The following SERPINE3 variants were observed in gnomAD, a reference collection of about 807,000 sequenced individuals.
SERPINE3 encodes the protein serpin E3.
A neutral mutation model predicts 41.7 loss-of-function variants in SERPINE3; 43 were observed. That is an observed-to-expected ratio of 1.03 (90% CI 0.81 to 1.33). The LOEUF is 1.33. Ranked by LOEUF, SERPINE3 falls within the 40% of genes most tolerant of loss-of-function variation. The pLI, the probability that SERPINE3 is intolerant of heterozygous loss-of-function variation, is 0.00. For missense variants in SERPINE3, 440 were observed against 491.7 expected (o/e 0.89, Z 0.99); for synonymous variants, 200 against 192.2 (o/e 1.04, Z -0.34).
chr13:51,358,008 C>G (rs1955506906), intron 7 of SERPINE3, among the ~76,000 whole-genome samples: 1 of 152,086 alleles, frequency 6.6e-6, no homozygotes, highest in Non-Finnish European at 1.5e-5. Context: ...TTATGCCACA[C>G]CAGATGTCTG....
At position 51,364,506 on chromosome 13, in the gene SERPINE3, C is replaced by G. The variant is rs978386477; in HGVS notation, c.*224C>G. 6.8e-6 allele frequency: 3 copies of G among 439,728 alleles called. No individual in the cohort carries two copies. The highest frequency in any genetic ancestry group is 1.2e-5 in the Non-Finnish European group (3 of 248,600). The allele number at this position is 439,728 out of a possible 1,614,324, so 27.2% of individuals were successfully genotyped here. ...TGACCTTCTTTTCTACTGCTTACCC[C>G]CCAAACCACTAAAAGGCACAGCAGT... On this transcript the variant is annotated 3_prime_UTR_variant, in exon 10 of 10. Coordinates refer to ENST00000681248, the MANE Select transcript of SERPINE3 (RefSeq NM_001386375.1).
intron 3 of SERPINE3, 74 bp downstream of exon 3, chr13:51,341,421 GCTCACA>G (rs1164683370): frequency 2.2e-6 from 3 of 1,366,564 alleles, no homozygotes; most frequent in Non-Finnish European, 3.0e-6. Flanking sequence ...TCACCCTCCT[GCTCACA>G]CTCACACTCA....
intron 4 of SERPINE3, among the ~76,000 whole-genome samples, chr13:51,345,592 CAAA>C (rs753888958): frequency 5.4e-5 from 2 of 37,012 alleles, no homozygotes; most frequent in Non-Finnish European, 1.1e-4. Flanking sequence ...GATTTCATCT[CAAA>C]AAAAAAAAAA....
At chr13:51,346,786 A>G (rs1201446853) in intron 4 of SERPINE3, among the ~76,000 whole-genome samples, 1 of 152,202 alleles carries the variant, frequency 6.6e-6, no homozygotes, top group African/African-American at 2.4e-5. Flanking sequence ...AACAGTCCCC[A>G]AAAGTTGAGA....
Position 51,347,328 on chromosome 13 carries a change from G to A in SERPINE3, c.700+94G>A, listed in dbSNP as rs143280631. 3,706 of 1,087,088 alleles carry A rather than the reference G, an allele frequency of 3.4e-3. 99 individuals are homozygous for A. The African/African-American group carries it at 0.052, about 15-fold the overall frequency. 67.3% of individuals were successfully genotyped at this position (1,087,088 alleles called of 1,614,324 possible). On this transcript the variant is annotated intron_variant, in intron 5 of 9. Coordinates refer to ENST00000681248, the MANE Select transcript of SERPINE3 (RefSeq NM_001386375.1). ...GCCAGGTCCCTGCTCCTAAGGGATC[G>A]GGATGTGTTTCCGCAGGGTCCATCT...
intron 9 of SERPINE3, chr13:51,362,205 A>C: frequency 3.1e-6 from 2 of 641,448 alleles, no homozygotes; most frequent in South Asian, 5.9e-5. Context: ...AGTAAAATAA[A>C]TTATAAATCT....
chr13:51,364,162 TGTATA>T, intron 9 of SERPINE3, 72 bp from the exon 10 acceptor site: 2 of 647,848 alleles, frequency 3.1e-6, no homozygotes, highest in Non-Finnish European at 5.0e-6. Context: ...TAAAAGTATT[TGTATA>T]GAAGTAAACA....
At chr13:51,344,039 C>G (rs1955319704) in intron 3 of SERPINE3, among the ~76,000 whole-genome samples, 1 of 152,212 alleles carries the variant, frequency 6.6e-6, no homozygotes, top group African/African-American at 2.4e-5. Context: ...TCATATCTAG[C>G]ATGGTTTCTT....
intron 5 of SERPINE3, 136 bp downstream of exon 5, chr13:51,347,370 A>G: frequency 2.7e-6 from 2 of 739,962 alleles, no homozygotes; most frequent in Admixed American, 2.4e-5. Flanking sequence ...CTGGGCATGC[A>G]TGGCGGAAGG....
At chr13:51,360,542 C>A (rs184962183) in intron 7 of SERPINE3, among the ~76,000 whole-genome samples, 237 of 152,134 alleles carry the variant, frequency 1.6e-3, no homozygotes, top group African/African-American at 5.4e-3. Flanking sequence ...GATTAGCTTA[C>A]AAAAATCAGC....
intron 6 of SERPINE3, among the ~76,000 whole-genome samples, chr13:51,352,298 G>C (rs1203970104): frequency 6.6e-6 from 1 of 151,640 alleles, no homozygotes; most frequent in African/African-American, 2.4e-5. Flanking sequence ...AATGTTTTGT[G>C]GTTTTCATTA....
chr13:51,346,506 A>G (rs965351040), intron 4 of SERPINE3, among the ~76,000 whole-genome samples: 1 of 149,702 alleles, frequency 6.7e-6, no homozygotes, highest in African/African-American at 2.6e-5. Context: ...GGTTATAAAC[A>G]CATATCAATT....
At chr13:51,358,036 AAG>A (rs965549899) in intron 7 of SERPINE3, among the ~76,000 whole-genome samples, 6 of 152,236 alleles carry the variant, frequency 3.9e-5, no homozygotes, top group African/African-American at 1.2e-4. Context: ...TTGCAATAGA[AAG>A]AGGTGCAGAG....
At chr13:51,342,948 A>G (rs1286126646) in intron 3 of SERPINE3, among the ~76,000 whole-genome samples, 1 of 152,226 alleles carries the variant, frequency 6.6e-6, no homozygotes, top group Non-Finnish European at 1.5e-5. Context: ...GTGGATTCTC[A>G]GGAGCAGCTT....
rs750034036 is a variant in SERPINE3 at position 51,355,023 on chromosome 13, G to C, written c.900-20G>C. The C allele has an allele frequency of 8.1e-7, 1 of 1,236,696 alleles. No individual in the cohort carries two copies. The highest frequency in any genetic ancestry group is 1.2e-6 in the Non-Finnish European group (1 of 862,228). The allele number at this position is 1,236,696 out of a possible 1,614,324, so 76.6% of individuals were successfully genotyped here. A position where few individuals can be genotyped will look rare whatever the true frequency, so the allele number is the denominator to read the frequency against. On this transcript the variant is annotated intron_variant, in intron 6 of 9. Coordinates refer to ENST00000681248, the MANE Select transcript of SERPINE3 (RefSeq NM_001386375.1). ...TTGAGTGAGAATTTTGAAAGTTGAT[G>C]GTTTGTTTTTGCCTTTTAGGTTTAG...
chr13:51,359,004 T>C (rs1208872414), intron 7 of SERPINE3, among the ~76,000 whole-genome samples: 1 of 152,106 alleles, frequency 6.6e-6, no homozygotes, highest in Non-Finnish European at 1.5e-5. Flanking sequence ...TTAGCAGCTC[T>C]AAGAAGTCCC....
Position 51,341,329 on chromosome 13 carries a change from C to T in SERPINE3, c.238C>T (p.Leu80=), listed in dbSNP as rs773730121. 1 of 1,601,548 alleles carries T rather than the reference C, an allele frequency of 6.2e-7. No individual in the cohort carries two copies. The highest frequency in any genetic ancestry group is 8.5e-7 in the Non-Finnish European group (1 of 1,173,132). Residue 80 remains leucine (L), a synonymous_variant, in exon 3 of 10, where the codon CTG becomes TTG. Coordinates refer to ENST00000681248, the MANE Select transcript of SERPINE3 (RefSeq NM_001386375.1). Reference sequence around the variant, plus strand: ...CACTGGTCAGCAGCTGGCAGATGCCCTGGGGTACACTGTCCATGGTAAGAG... The same window carrying T: ...CACTGGTCAGCAGCTGGCAGATGCCTTGGGGTACACTGTCCATGGTAAGAG... ...GSTGQQLADA[L]GYTVHDKRVK...
At chr13:51,361,237 G>A in intron 7 of SERPINE3, 41 bp from the exon 8 acceptor site, 1 of 1,312,558 alleles carries the variant, frequency 7.6e-7, no homozygotes, top group Non-Finnish European at 1.1e-6. Context: ...TTAGAAAAAT[G>A]TTAATGAGCA....
intron 8 of SERPINE3, 155 bp downstream of exon 8, chr13:51,361,519 G>A (rs1593652231): frequency 6.5e-6 from 4 of 611,390 alleles, no homozygotes; most frequent in Non-Finnish European, 1.1e-5. Flanking sequence ...AAAACAAAAA[G>A]TTTTTGAAAA....
Sources: allele counts gnomAD v4.1 joint callset (sites outside exome capture counted in the v4.1 genomes callset), GRCh38; gene constraint gnomAD v4.1.1; transcripts MANE v1.5; gene names NCBI Gene and HGNC (gene_info 2026-07-23, HGNC 2026-07-21).